The following TRPA1 variants were observed in gnomAD, a reference collection of about 807,000 sequenced individuals.
TRPA1 encodes transient receptor potential cation channel subfamily A member 1.
TRPA1 carries 129 observed loss-of-function variants against 131.3 expected under a neutral mutation model. The observed-to-expected ratio is 0.98, with a 90% confidence interval of 0.85 to 1.14. TRPA1 has a LOEUF of 1.14. Among genes scored for constraint, TRPA1 ranks in the 50% most tolerant of loss-of-function variants. TRPA1 has a pLI of 0.00. For synonymous variants in TRPA1, 441 were observed against 451.7 expected, an observed-to-expected ratio of 0.98 and a Z score of 0.30; for missense variants, 1,304 against 1,354.2, an observed-to-expected ratio of 0.96 and a Z score of 0.58.
intron 10 of TRPA1, chr8:72,056,197 C>G (rs937665004): frequency 3.0e-6 from 1 of 334,604 alleles, no homozygotes. Context: ...TTTCCTCCCA[C>G]CCCCAAATAA....
intron 23 of TRPA1, among the ~76,000 whole-genome samples, chr8:72,032,949 G>T (rs1044470261): frequency 1.3e-5 from 2 of 152,306 alleles, no homozygotes; most frequent in Admixed American, 1.3e-4. Context: ...GCCAATAAGG[G>T]CTCCCCATGG....
At chr8:72,088,448 C>T in the TRPA1 span, among the ~76,000 whole-genome samples, 1 of 142,552 alleles carries the variant, frequency 7.0e-6, no homozygotes, top group Non-Finnish European at 1.5e-5. Context: ...ACAACAATCT[C>T]AATCCAATTG....
chr8:72,079,020 A>G (rs1479522129), upstream of TRPA1, among the ~76,000 whole-genome samples: 1 of 151,996 alleles, frequency 6.6e-6, no homozygotes, highest in East Asian at 1.9e-4. Context: ...CCATATTAGC[A>G]TGTCTTATTA....
rs1811424530 is a variant in TRPA1 at position 72,022,396 on chromosome 8, C to T, written c.*510G>A. The T allele has an allele frequency of 3.7e-5, 9 of 241,314 alleles. No homozygotes were observed. In the South Asian group the frequency reaches 4.9e-4, roughly 13 times the overall value. 14.9% of individuals were successfully genotyped at this position (241,314 alleles called of 1,614,324 possible). Reference sequence around the variant, plus strand: ...ATCACAGTAGGGACAGAAAAGTCCACATGGTGCCACCCATAGGTTCTTTCA... The same window carrying T: ...ATCACAGTAGGGACAGAAAAGTCCATATGGTGCCACCCATAGGTTCTTTCA... On this transcript the variant is annotated 3_prime_UTR_variant, in exon 27 of 27. Transcript: ENST00000262209.
intron 7 of TRPA1, among the ~76,000 whole-genome samples, chr8:72,059,807 A>T (rs1397594113): frequency 6.6e-6 from 1 of 152,204 alleles, no homozygotes; most frequent in Admixed American, 6.5e-5. Context: ...GCTACATGTA[A>T]GGTGTCCCTC....
At chr8:72,075,859 AGTGTGTGTGTGTGTGTGTGTGTGTGT>A (rs61575164), upstream of TRPA1, among the ~76,000 whole-genome samples, 6 of 135,108 alleles carry the variant, frequency 4.4e-5, no homozygotes, top group East Asian at 8.6e-4. Flanking sequence ...CTTGCATGTG[AGTGTGTGTGTGTGTGTGTGTGTGTGT>A]GTGTGTGTGT....
At chr8:72,078,883 T>TG (rs1161244690), upstream of TRPA1, among the ~76,000 whole-genome samples, 1 of 152,046 alleles carries the variant, frequency 6.6e-6, no homozygotes, top group East Asian at 1.9e-4. Flanking sequence ...CAGCAGTGTA[T>TG]GAGGATTCTA....
At chr8:72,040,147 C>G (rs1231792090) in intron 17 of TRPA1, among the ~76,000 whole-genome samples, 1 of 152,124 alleles carries the variant, frequency 6.6e-6, no homozygotes, top group South Asian at 2.1e-4. Context: ...TCAGGCTTAT[C>G]TTTCCAGAAG....
intron 15 of TRPA1, among the ~76,000 whole-genome samples, chr8:72,048,862 G>A (rs778070661): frequency 3.0e-4 from 46 of 151,952 alleles, no homozygotes; most frequent in Non-Finnish European, 2.2e-4. Context: ...GTATAATTTC[G>A]ACTGTTTACT....
rs1489922810 is a variant in TRPA1 at position 72,023,046 on chromosome 8, T to A, written c.3220A>T (p.Ile1074Phe). Residue 1074 changes from isoleucine to phenylalanine, a missense_variant, in exon 27 of 27, where the codon ATC (isoleucine) becomes TTC (phenylalanine). Physicochemically the swap from Ile to Phe is conservative, Grantham distance 21 (BLOSUM62 0). Coordinates refer to ENST00000262209, the MANE Select transcript of TRPA1 (RefSeq NM_007332.3). ...TCATCATCCTCTGTCTCAGAGATGATCTCCATCTTCTGAATGATCAGTTTA... is the reference window on the plus strand; with the variant it reads ...TCATCATCCTCTGTCTCAGAGATGAACTCCATCTTCTGAATGATCAGTTTA... ...LIKLIIQKMEIISETEDDDSH... is the reference protein window; with the variant it reads ...LIKLIIQKMEFISETEDDDSH... 1 of 1,613,682 alleles carries A rather than the reference T, an allele frequency of 6.2e-7. No individual in the cohort carries two copies. Among genetic ancestry groups the A allele is most frequent in the Admixed American group, 1.7e-5 (1 of 59,940 alleles).
intron 3 of TRPA1, among the ~76,000 whole-genome samples, chr8:72,067,945 G>A (rs1805970168): frequency 6.6e-6 from 1 of 152,168 alleles, no homozygotes; most frequent in African/African-American, 2.4e-5. Flanking sequence ...ACAGTGCTGA[G>A]GAATAAGAGA....
chr8:72,085,506 T>A, the TRPA1 span, among the ~76,000 whole-genome samples: 2 of 151,012 alleles, frequency 1.3e-5, no homozygotes, highest in African/African-American at 5.0e-5. Flanking sequence ...CAATATGAAA[T>A]ATATATTTAT....
chr8:72,040,616 G>T (rs1305248524), intron 17 of TRPA1, among the ~76,000 whole-genome samples: 3 of 152,094 alleles, frequency 2.0e-5, no homozygotes, highest in Non-Finnish European at 4.4e-5. Flanking sequence ...CTAAGGGGCT[G>T]CCCAAGGGAA....
At chr8:72,052,866 C>T in intron 13 of TRPA1, 101 bp from the exon 14 acceptor site, 2 of 1,340,610 alleles carry the variant, frequency 1.5e-6, no homozygotes, top group Non-Finnish European at 2.1e-6. Context: ...CTATTTAATA[C>T]CAAAATACAT....
upstream of TRPA1, among the ~76,000 whole-genome samples, chr8:72,078,042 AAT>A (rs1563410069): frequency 1.3e-5 from 2 of 151,866 alleles, no homozygotes; most frequent in African/African-American, 4.8e-5. Context: ...TATCAAGGAA[AAT>A]ATAGTTATAT....
rs774132232 is a variant in TRPA1, at chr8:72,069,133, C to T, written c.334G>A (p.Glu112Lys). ...LHCAVEKNQI[E>K]SVKFLLSRGA... The stretch of plus-strand genomic sequence containing the variant: ...CTGCTGAGAAGAAACTTAACGCTTT[C>T]AATTTGGTTTTTTTCTACAGCACAA... The change falls in exon 3 of 27, where the codon GAA becomes AAA. Residue 112 changes from glutamate to lysine, a missense_variant. Physicochemically the swap from Glu to Lys is moderately conservative, Grantham distance 56. Coordinates refer to ENST00000262209, the MANE Select transcript of TRPA1 (RefSeq NM_007332.3). 8 of 1,614,082 alleles carry T rather than the reference C, an allele frequency of 5.0e-6. No homozygotes were observed. The highest frequency in any genetic ancestry group is 1.1e-5 in the South Asian group (1 of 91,084).
At chr8:72,072,066 A>T (rs1806075795) in intron 1 of TRPA1, among the ~76,000 whole-genome samples, 199 bp from the exon 2 acceptor site, 1 of 152,228 alleles carries the variant, frequency 6.6e-6, no homozygotes, top group African/African-American at 2.4e-5. Context: ...TGATCAACAC[A>T]TGAAATAAAT....
At chr8:72,072,183 A>G (rs1051389244) in intron 1 of TRPA1, among the ~76,000 whole-genome samples, 1 of 152,214 alleles carries the variant, frequency 6.6e-6, no homozygotes, top group Non-Finnish European at 1.5e-5. Context: ...ACTTGCTTCA[A>G]TTCTACCATT....
intron 23 of TRPA1, among the ~76,000 whole-genome samples, chr8:72,031,174 C>T (rs1811800138): frequency 6.6e-6 from 1 of 152,132 alleles, no homozygotes; most frequent in South Asian, 2.1e-4. Flanking sequence ...GCACTGAGAA[C>T]TGGATATAGT....
Sources: gnomAD v4.1 joint callset for allele counts (sites outside exome capture counted in the v4.1 genomes callset) on GRCh38, gnomAD v4.1.1 for gene constraint, MANE v1.5 for transcripts, NCBI Gene and HGNC (gene_info 2026-07-23, HGNC 2026-07-21) for gene names.